CCDC85C: variants seen among roughly 807,000 people sequenced by gnomAD.
CCDC85C encodes coiled-coil domain-containing protein 85C.
A neutral mutation model predicts 38.3 loss-of-function variants in CCDC85C; 18 were observed. The ratio of observed to expected loss-of-function variants is 0.47; its 90% CI spans 0.33 to 0.70. The LOEUF (loss-of-function observed/expected upper bound fraction) is 0.70, where lower values mean the gene tolerates loss of function less well. Among genes scored for constraint, CCDC85C ranks in the 30% least tolerant of loss-of-function variants. CCDC85C has a pLI of 0.03. For synonymous variants in CCDC85C, 264 were observed against 293.8 expected (o/e 0.90, Z 1.04); for missense variants, 566 against 621.2 (o/e 0.91, Z 0.94).
At chr14:99,586,731 G>A (rs539510886) in intron 1 of CCDC85C, among the ~76,000 whole-genome samples, 3 of 152,296 alleles carry the variant, frequency 2.0e-5, no homozygotes, top group Admixed American at 6.5e-5. Context: ...CTGAGCCACC[G>A]GAGATGTGGA....
intron 1 of CCDC85C, among the ~76,000 whole-genome samples, chr14:99,585,621 A>G (rs1478200797): frequency 6.6e-6 from 1 of 152,250 alleles, no homozygotes; most frequent in Admixed American, 6.5e-5. Context: ...GATCCTCAAG[A>G]GCCCATACAA....
At chr14:99,518,095 G>A (rs957564959) in intron 3 of CCDC85C, among the ~76,000 whole-genome samples, 108 of 152,228 alleles carry the variant, frequency 7.1e-4, no homozygotes, top group Non-Finnish European at 3.5e-4. Context: ...CCCTGATGAC[G>A]CCTCCCAACG....
rs527768379 is a variant in CCDC85C, at chr14:99,508,015, C to T, written c.*7231G>A. 3.3e-5 allele frequency: 5 copies of T among 152,342 alleles called. No individual in the cohort carries two copies. Among genetic ancestry groups the T allele is most frequent in the Non-Finnish European group, 7.3e-5 (5 of 68,058 alleles). The allele number at this position is 152,342 out of a possible 1,614,324, so 9.4% of individuals were successfully genotyped here. ...GCTCTCCAAAAGGTGGTCGATACTC[C>T]GGAGGCTTCCAAGCCTCTGTCAGCA... On this transcript the variant is annotated 3_prime_UTR_variant, in exon 6 of 6. Coordinates refer to ENST00000380243, the MANE Select transcript of CCDC85C (RefSeq NM_001144995.2).
intron 1 of CCDC85C, among the ~76,000 whole-genome samples, chr14:99,602,340 G>A (rs762074789): frequency 9.8e-5 from 15 of 152,330 alleles, no homozygotes; most frequent in Non-Finnish European, 1.5e-5. Context: ...AGCTGACAGA[G>A]GCCAAAGTTC....
intron 1 of CCDC85C, among the ~76,000 whole-genome samples, chr14:99,554,445 G>C (rs1293674526): frequency 1.3e-5 from 2 of 152,232 alleles, no homozygotes; most frequent in African/African-American, 2.4e-5. Context: ...GGCTCCTGCA[G>C]GGCTGTGTCT....
Position 99,544,487 on chromosome 14 carries a change from A to AGGGT in CCDC85C, c.794-8403_794-8400dup, listed in dbSNP as rs1309587834. ...TCATAAAAACAGGGCTAAAATTTGAAGGGTGTGTGTGTGTGTGTGTGTGTG... is the reference window on the plus strand; with the variant it reads ...TCATAAAAACAGGGCTAAAATTTGAAGGGTGGGTGTGTGTGTGTGTGTGTGTGTG... On this transcript the variant is annotated intron_variant, in intron 1 of 5. Transcript: ENST00000380243. The surrounding 1 kb of genome is among the most constrained non-coding windows in gnomAD (Gnocchi z 5.3). 6.8e-6 allele frequency among the ~76,000 whole-genome samples: 1 copy of AGGGT among 146,124 alleles called. No homozygotes were observed. Among genetic ancestry groups the AGGGT allele is most frequent in the Non-Finnish European group, 1.5e-5 (1 of 67,342 alleles).
intron 1 of CCDC85C, among the ~76,000 whole-genome samples, chr14:99,557,253 A>C (rs994521687): frequency 6.6e-6 from 1 of 152,234 alleles, no homozygotes; most frequent in African/African-American, 2.4e-5. Flanking sequence ...ATTTGAGCCC[A>C]AAGCCCTTTC....
chr14:99,549,946 G>A (rs61987267), intron 1 of CCDC85C, among the ~76,000 whole-genome samples: 34,212 of 152,164 alleles, frequency 0.22, 4,498 homozygotes, highest in Middle Eastern at 0.33. Flanking sequence ...GGGCTGCTGC[G>A]ATCTCTGTTC....
At chr14:99,547,284 C>T (rs1056324500) in intron 1 of CCDC85C, among the ~76,000 whole-genome samples, 5 of 152,152 alleles carry the variant, frequency 3.3e-5, no homozygotes, top group African/African-American at 7.2e-5. Context: ...GTATACTGTA[C>T]GTTTCCATTT....
At chr14:99,564,959 C>T (rs1268759530) in intron 1 of CCDC85C, among the ~76,000 whole-genome samples, 2 of 152,234 alleles carry the variant, frequency 1.3e-5, no homozygotes, top group East Asian at 3.9e-4. Flanking sequence ...GGTGCGGGAT[C>T]TGCGTGGCGG....
At chr14:99,577,117 T>A (rs116954942) in intron 1 of CCDC85C, among the ~76,000 whole-genome samples, 5,001 of 151,672 alleles carry the variant, frequency 0.033, 125 homozygotes, top group Non-Finnish European at 0.054. Context: ...GAAAACAACA[T>A]CCCTGGGCTC....
chr14:99,521,775 G>A (rs1897306428), intron 3 of CCDC85C, among the ~76,000 whole-genome samples: 1 of 152,226 alleles, frequency 6.6e-6, no homozygotes, highest in South Asian at 2.1e-4. Context: ...GCATCAGGCT[G>A]GTCATTTCAG....
chr14:99,587,046 C>T (rs967585040), intron 1 of CCDC85C, among the ~76,000 whole-genome samples: 5 of 152,342 alleles, frequency 3.3e-5, no homozygotes, highest in East Asian at 1.9e-4. Context: ...GCCAGGCCCA[C>T]CAGCCCCTCA....
Position 99,503,149 on chromosome 14 carries a change from G to A in CCDC85C, c.*12097C>T, listed in dbSNP as rs972750343. 1.2e-6 allele frequency: 1 copy of A among 810,966 alleles called. No individual in the cohort carries two copies. Among genetic ancestry groups the A allele is most frequent in the Non-Finnish European group, 2.1e-6 (1 of 481,134 alleles). 50.2% of individuals were successfully genotyped at this position (810,966 alleles called of 1,614,324 possible). ...GTCGGTGGGGAGCCTGAAAACAAAG[G>A]TGCTCCAAGGACAGGCTGCCTCTGA... On this transcript the variant is annotated 3_prime_UTR_variant, in exon 6 of 6. Transcript: ENST00000380243.
At position 99,525,397 on chromosome 14, in the gene CCDC85C, T is replaced by A. The variant is rs78261729; in HGVS notation, c.868-3157A>T. ...GAGGGGATGCTGAACAGAAAGAGGA[T>A]AAGACATGGAAACAGAGCCCACCCA... On this transcript the variant is annotated intron_variant, in intron 2 of 5. Transcript: ENST00000380243. Among the ~76,000 whole-genome samples the A allele has an allele frequency of 3.6e-3, 549 of 152,246 alleles. 14 individuals carry two copies. In the East Asian group the frequency reaches 0.074, roughly 21 times the overall value.
chr14:99,559,003 T>C (rs1384800100), intron 1 of CCDC85C, among the ~76,000 whole-genome samples: 1 of 152,120 alleles, frequency 6.6e-6, no homozygotes, highest in Non-Finnish European at 1.5e-5. Flanking sequence ...ACTCCCCTCT[T>C]TCTCCTGCTC....
In CCDC85C at chr14:99,507,204, C is replaced by T. The variant is rs992209286; in HGVS notation, c.*8042G>A. 10 of 1,011,700 alleles carry T rather than the reference C, an allele frequency of 9.9e-6. No individual in the cohort carries two copies. The highest frequency in any genetic ancestry group is 3.4e-5 in the Admixed American group (2 of 59,244). The allele number at this position is 1,011,700 out of a possible 1,614,324, so 62.7% of individuals were successfully genotyped here. A position where few individuals can be genotyped will look rare whatever the true frequency, so the allele number is the denominator to read the frequency against. On this transcript the variant is annotated 3_prime_UTR_variant, in exon 6 of 6. Transcript: ENST00000380243. The stretch of plus-strand genomic sequence containing the variant: ...GTGCACATCGCCTCTGAATGTTGGA[C>T]GCAGCAGGTCCTGGGAACTTAGAAA...
chr14:99,539,210 C>A (rs1034194201), intron 1 of CCDC85C, among the ~76,000 whole-genome samples: 6 of 152,198 alleles, frequency 3.9e-5, no homozygotes, highest in Non-Finnish European at 8.8e-5. Context: ...GTGGCACATG[C>A]CTGCAATCCC....
rs1293882780 is a variant in CCDC85C at position 99,545,127 on chromosome 14, G to T, written c.794-9039C>A. On this transcript the variant is annotated intron_variant, in intron 1 of 5. Transcript: ENST00000380243. This position sits in a 1 kb window ranked among gnomAD's most constrained non-coding sequence, Gnocchi z 4.7. ...GGCCGGTCAGCCTTCCCCAGTGAGT[G>T]CACGCCTGTCCTCTCAGTGTCATCT... 6.6e-6 allele frequency among the ~76,000 whole-genome samples: 1 copy of T among 152,172 alleles called. No individual in the cohort carries two copies. The highest frequency in any genetic ancestry group is 1.5e-5 in the Non-Finnish European group (1 of 68,024).
Sources: allele counts gnomAD v4.1 joint callset (sites outside exome capture counted in the v4.1 genomes callset), GRCh38; gene constraint gnomAD v4.1.1; non-coding constraint Gnocchi (gnomAD v3.1); transcripts MANE v1.5; gene names NCBI Gene and HGNC (gene_info 2026-07-23, HGNC 2026-07-21).